Variants in NEDD9 observed in about 807,000 individuals in gnomAD.
NEDD9 encodes enhancer of filamentation 1.
In NEDD9, 26 loss-of-function variants were observed where a neutral mutation model predicts 76.6. That is an observed-to-expected ratio of 0.34 (90% confidence interval 0.25 to 0.47). NEDD9 has a LOEUF of 0.47. Among genes scored for constraint, NEDD9 ranks in the 20% least tolerant of loss-of-function variants. The pLI, the probability that NEDD9 is intolerant of heterozygous loss-of-function variation, is 1.00. For missense variants in NEDD9, 937 were observed against 1,058.5 expected (o/e 0.89, Z 1.59); for synonymous variants, 392 against 414.2 (o/e 0.95, Z 0.65).
At chr6:11,318,846 T>C (rs1322383703) in intron 2 of NEDD9, among the ~76,000 whole-genome samples, 1 of 152,212 alleles carries the variant, frequency 6.6e-6, no homozygotes, top group East Asian at 1.9e-4. Flanking sequence ...ATTGTTTTAC[T>C]CTAAAAGAGC....
intron 3 of NEDD9, among the ~76,000 whole-genome samples, chr6:11,261,506 T>C (rs1181237449): frequency 6.6e-6 from 1 of 152,254 alleles, no homozygotes; most frequent in Non-Finnish European, 1.5e-5. Flanking sequence ...AATTCATTCA[T>C]TCAACATAAA....
intron 5 of NEDD9, among the ~76,000 whole-genome samples, chr6:11,189,094 G>A (rs1758058277): frequency 6.6e-6 from 1 of 152,078 alleles, no homozygotes; most frequent in Non-Finnish European, 1.5e-5. Flanking sequence ...CTACAGGCGT[G>A]CATCACCATG....
At chr6:11,332,347 G>A (rs974967554) in intron 2 of NEDD9, among the ~76,000 whole-genome samples, 1 of 152,190 alleles carries the variant, frequency 6.6e-6, no homozygotes, top group East Asian at 1.9e-4. Flanking sequence ...TTCACTGAGT[G>A]TGAATTTGAC....
Position 11,318,114 on chromosome 6 carries a change from T to C in NEDD9, c.-152-11959A>G, listed in dbSNP as rs142607853. 6.6e-5 allele frequency among the ~76,000 whole-genome samples: 10 copies of C among 152,266 alleles called. No individual in the cohort carries two copies. The East Asian group carries it at 1.4e-3, about 21-fold the overall frequency. On this transcript the variant is annotated intron_variant, in intron 2 of 3. Transcript: ENST00000397378. ...CCTGCTGGCCTTTGTGCTAGAGCTA[T>C]GTGATCCGCTCTCCTGGGTTCCAGA...
rs147259702 is a variant in NEDD9, at chr6:11,264,974, C to T, written c.12+41018G>A. 7.6e-3 allele frequency among the ~76,000 whole-genome samples: 1,165 copies of T among 152,344 alleles called. 4 individuals carry two copies. Among genetic ancestry groups the T allele is most frequent in the Middle Eastern group, 0.014 (4 of 294 alleles). On this transcript the variant is annotated intron_variant, in intron 3 of 3. Coordinates refer to the NEDD9 transcript ENST00000397378. ...TTGCCTTCCCAAAGTGCTGGGGTTA[C>T]AGGCGTAAGCCACTGCTCCCAGCCA... is the stretch of plus-strand genomic sequence containing the variant.
At chr6:11,341,518 T>C (rs1277684161) in intron 1 of NEDD9, among the ~76,000 whole-genome samples, 2 of 152,174 alleles carry the variant, frequency 1.3e-5, no homozygotes, top group African/African-American at 4.8e-5. Flanking sequence ...TCAGCTGCTA[T>C]GAGGTTGAGA....
intron 1 of NEDD9, among the ~76,000 whole-genome samples, chr6:11,224,515 A>C (rs7769173): frequency 0.48 from 73,256 of 151,976 alleles, 18,723 homozygotes; most frequent in East Asian, 0.59. Context: ...TTGCTAGGCC[A>C]ATGCTGCTGT....
chr6:11,187,514 CGAAA>C (rs943923746), intron 6 of NEDD9, among the ~76,000 whole-genome samples: 3 of 151,466 alleles, frequency 2.0e-5, no homozygotes, highest in African/African-American at 7.3e-5. Context: ...GTGTTGCTGG[CGAAA>C]GAGAGACAAA....
At chr6:11,269,339 G>C (rs1263633920) in intron 3 of NEDD9, among the ~76,000 whole-genome samples, 1 of 152,184 alleles carries the variant, frequency 6.6e-6, no homozygotes, top group Non-Finnish European at 1.5e-5. Flanking sequence ...GTTTTCTTTT[G>C]TAGAGCGTGG....
chr6:11,320,188 T>G (rs1761757641), intron 2 of NEDD9, among the ~76,000 whole-genome samples: 1 of 152,164 alleles, frequency 6.6e-6, no homozygotes, highest in Admixed American at 6.6e-5. Context: ...TGAGTTGAAC[T>G]GTATTTTGTT....
chr6:11,371,235 T>G (rs1337805055), intron 1 of NEDD9, among the ~76,000 whole-genome samples: 1 of 152,214 alleles, frequency 6.6e-6, no homozygotes, highest in African/African-American at 2.4e-5. Flanking sequence ...CTCCACAGAC[T>G]GGCACATTTG....
rs551171469 is a variant in NEDD9, at chr6:11,277,435, C to T, written c.12+28557G>A. 3.9e-5 allele frequency among the ~76,000 whole-genome samples: 6 copies of T among 152,148 alleles called. No individual in the cohort carries two copies. The South Asian group carries it at 1.2e-3, about 32-fold the overall frequency. On this transcript the variant is annotated intron_variant, in intron 3 of 3. Coordinates refer to the NEDD9 transcript ENST00000397378. ...GGGGAAGTGGTGGAGGAAGAAATTC[C>T]AAAGCATGTTACAAATGGGGCTCAG...
At position 11,366,834 on chromosome 6, in the gene NEDD9, G is replaced by GTTTCA. The variant is rs1582052668; in HGVS notation, c.-214+15300_-214+15304dup. ...CATCTTTCCCACCGTGATCTCCTCA[G>GTTTCA]TTTCACTATCTGTAGAGTGGGAGAT... On this transcript the variant is annotated intron_variant, in intron 1 of 3. Transcript: ENST00000397378. Among the ~76,000 whole-genome samples, 4 of 152,300 alleles carry GTTTCA rather than the reference G, an allele frequency of 2.6e-5. No individual in the cohort carries two copies. The East Asian group carries it at 5.8e-4, about 22-fold the overall frequency.
intron 1 of NEDD9, 134 bp downstream of exon 1, chr6:11,232,370 T>G: frequency 1.8e-6 from 2 of 1,099,656 alleles, no homozygotes; most frequent in Admixed American, 3.9e-5. Flanking sequence ...CATGTCAACC[T>G]CAGTGACCGA....
chr6:11,350,160 T>TA (rs150164691), intron 1 of NEDD9, among the ~76,000 whole-genome samples: 1,980 of 152,254 alleles, frequency 0.013, 45 homozygotes, highest in African/African-American at 0.045. Flanking sequence ...ACATGGCATA[T>TA]AAAAAAGGTA....
At position 11,214,458 on chromosome 6, in the gene NEDD9, C is replaced by T. The variant is rs558745646; in HGVS notation, c.13-731G>A. Among the ~76,000 whole-genome samples the T allele has an allele frequency of 4.6e-5, 7 of 152,356 alleles. No homozygotes were observed. The South Asian group carries it at 1.0e-3, about 23-fold the overall frequency. On this transcript the variant is annotated intron_variant, in intron 1 of 6. Transcript: ENST00000379446. ...CATACCTTTCCTGAGGGCCCCTCCT[C>T]GCCCTCCCCTTTCGTCACCTACTTC...
intron 3 of NEDD9, among the ~76,000 whole-genome samples, chr6:11,298,563 A>T (rs941530765): frequency 5.3e-5 from 8 of 152,164 alleles, no homozygotes; most frequent in Non-Finnish European, 1.2e-4. Flanking sequence ...TGCTTCAGGG[A>T]ATGTTTTATC....
At chr6:11,194,828 C>G (rs3798730) in intron 2 of NEDD9, among the ~76,000 whole-genome samples, 24,999 of 152,206 alleles carry the variant, frequency 0.16, 2,302 homozygotes, top group East Asian at 0.27. Flanking sequence ...CATTGGTGTG[C>G]TAAGCACCAG....
intron 2 of NEDD9, among the ~76,000 whole-genome samples, chr6:11,313,437 G>A (rs1253575819): frequency 7.6e-6 from 1 of 131,390 alleles, no homozygotes; most frequent in African/African-American, 2.7e-5. Flanking sequence ...GGGTGGGTGG[G>A]TGGATGAATG....
Sources: allele counts gnomAD v4.1 joint callset (sites outside exome capture counted in the v4.1 genomes callset), GRCh38; gene constraint gnomAD v4.1.1; transcripts MANE v1.5; gene names NCBI Gene and HGNC (gene_info 2026-07-23, HGNC 2026-07-21).